Variants in TFDP2 observed in about 807,000 individuals in gnomAD.
TFDP2 encodes transcription factor Dp-2 (E2F dimerization partner 2).
A neutral mutation model predicts 59.3 loss-of-function variants in TFDP2; 17 were observed. The ratio of observed to expected loss-of-function variants is 0.29; its 90% CI spans 0.20 to 0.43. The LOEUF (loss-of-function observed/expected upper bound fraction) is 0.43. TFDP2 is among the 20% of genes least tolerant of loss of function. The pLI is 1.00. For synonymous variants in TFDP2, 180 were observed against 194.7 expected, an observed-to-expected ratio of 0.92 and a Z score of 0.63; for missense variants, 391 against 528.8, an observed-to-expected ratio of 0.74 and a Z score of 2.56.
intron 3 of TFDP2, among the ~76,000 whole-genome samples, chr3:142,029,779 C>A (rs1576776657): frequency 6.6e-6 from 1 of 152,298 alleles, no homozygotes; most frequent in African/African-American, 2.4e-5. Context: ...CAATCAACAA[C>A]ATATATTTGC....
rs1416338697 is a variant in TFDP2 at position 142,101,774 on chromosome 3, T to C, written c.-25A>G. The stretch of plus-strand genomic sequence containing the variant: ...TGTCAAACTGTATTCTATTTAAGAT[T>C]CTGTAAAGCCATTAAAAAAATAAAA... On this transcript the variant is annotated 5_prime_UTR_variant, in exon 2 of 13. Coordinates refer to ENST00000489671, the MANE Select transcript of TFDP2 (RefSeq NM_001178139.2). 2 of 1,288,742 alleles carry C rather than the reference T, an allele frequency of 1.6e-6. No individual in the cohort carries two copies. Among genetic ancestry groups the C allele is most frequent in the Admixed American group, 5.8e-5 (2 of 34,354 alleles). The allele number at this position is 1,288,742 out of a possible 1,614,324, so 79.8% of individuals were successfully genotyped here. A position where few individuals can be genotyped will look rare whatever the true frequency, so the allele number is the denominator to read the frequency against.
At chr3:142,086,617 A>G (rs961030721) in intron 3 of TFDP2, among the ~76,000 whole-genome samples, 4 of 152,128 alleles carry the variant, frequency 2.6e-5, no homozygotes, top group Non-Finnish European at 5.9e-5. Flanking sequence ...CAAGCTCAGA[A>G]GCTTCTGTCC....
intron 3 of TFDP2, among the ~76,000 whole-genome samples, chr3:142,038,027 C>T (rs6778085): frequency 0.86 from 131,327 of 152,124 alleles, 57,052 homozygotes; most frequent in African/African-American, 0.97. Flanking sequence ...AGGGGTTTGA[C>T]ATTTATTACC....
At chr3:142,102,475 C>T (rs763856393) in intron 1 of TFDP2, among the ~76,000 whole-genome samples, 2 of 152,146 alleles carry the variant, frequency 1.3e-5, no homozygotes, top group Middle Eastern at 3.4e-3. Flanking sequence ...CAGTAGAACG[C>T]CAACTAATAA....
intron 1 of TFDP2, among the ~76,000 whole-genome samples, chr3:142,138,321 A>C (rs1329965613): frequency 2.0e-5 from 3 of 151,548 alleles, no homozygotes; most frequent in Admixed American, 2.0e-4. Context: ...AAAAAAACCA[A>C]CTCCTGGATT....
chr3:142,008,504 T>C (rs1944394413), intron 3 of TFDP2, among the ~76,000 whole-genome samples: 1 of 151,780 alleles, frequency 6.6e-6, no homozygotes. Flanking sequence ...GATTAAATAC[T>C]TTACATTTCC....
Position 141,945,671 on chromosome 3 carries a change from C to T in TFDP2, c.*6842G>A, listed in dbSNP as rs1935162982. ...AGAAAAGTAGCCCCATTGTCAGTGA[C>T]GTTTTAGTATGAAAATCCTGGCCCC... On this transcript the variant is annotated 3_prime_UTR_variant, in exon 13 of 13. Coordinates refer to ENST00000489671, the MANE Select transcript of TFDP2 (RefSeq NM_001178139.2). 6.6e-6 allele frequency: 1 copy of T among 152,220 alleles called. No individual in the cohort carries two copies. The highest frequency in any genetic ancestry group is 1.5e-5 in the Non-Finnish European group (1 of 68,058). The allele number at this position is 152,220 out of a possible 1,614,324, so 9.4% of individuals were successfully genotyped here.
intron 3 of TFDP2, chr3:142,043,877 T>G: frequency 8.7e-7 from 1 of 1,155,648 alleles, no homozygotes; most frequent in Admixed American, 1.7e-5. Flanking sequence ...TCAATCTTCT[T>G]AGATTCACAG....
intron 12 of TFDP2, 61 bp from the exon 13 acceptor site, chr3:141,952,757 T>C (rs1157843830): frequency 1.3e-6 from 2 of 1,597,734 alleles, no homozygotes; most frequent in Non-Finnish European, 1.7e-6. Context: ...TTGTAAAACA[T>C]AGGAATAAAA....
At chr3:141,979,475 A>T (rs915897880) in intron 6 of TFDP2, among the ~76,000 whole-genome samples, 1 of 152,210 alleles carries the variant, frequency 6.6e-6, no homozygotes, top group African/African-American at 2.4e-5. Context: ...ATCACAGGAA[A>T]TGACAGCTCC....
intron 3 of TFDP2, among the ~76,000 whole-genome samples, chr3:142,038,234 AT>A (rs776942413): frequency 3.9e-5 from 6 of 151,996 alleles, no homozygotes; most frequent in Non-Finnish European, 8.8e-5. Context: ...AATACAAAAG[AT>A]TAGTCGGGAG....
intron 3 of TFDP2, among the ~76,000 whole-genome samples, chr3:142,061,066 C>A (rs948349834): frequency 6.6e-6 from 1 of 152,164 alleles, no homozygotes; most frequent in African/African-American, 2.4e-5. Flanking sequence ...TATTACAGGA[C>A]ACTAACACTT....
At chr3:142,126,525 G>T (rs1577044334) in intron 1 of TFDP2, among the ~76,000 whole-genome samples, 1 of 151,862 alleles carries the variant, frequency 6.6e-6, no homozygotes, top group Admixed American at 6.6e-5. Context: ...TAGTAGAAAT[G>T]CACACAGAAA....
In TFDP2 at chr3:141,995,129, G is replaced by A; in HGVS notation, c.199C>T (p.Pro67Ser). The A allele has an allele frequency of 1.3e-6, 2 of 1,597,952 alleles. No individual in the cohort carries two copies. The highest frequency in any genetic ancestry group is 8.5e-7 in the Non-Finnish European group (1 of 1,172,286). Residue 67 changes from proline (P) to serine (S), a missense_variant, in exon 5 of 13, where the codon CCA becomes TCA. Physicochemically the swap from Pro to Ser is moderately conservative, Grantham distance 74. Around this residue, in one of 3 missense-constraint regions of TFDP2, gnomAD observed 162 missense variants for 206.8 expected, o/e 0.78. Transcript: ENST00000489671. ...CTTCCTGAACTGGTTAGTCTCTGTG[G>A]TGTGCTTATAATCTGTAAAGTTAGG... is the stretch of plus-strand genomic sequence containing the variant. ...NVGPQMIIST[P>S]QRLTSSGSVL...
intron 6 of TFDP2, among the ~76,000 whole-genome samples, chr3:141,989,935 C>T (rs913472840): frequency 7.3e-5 from 11 of 151,326 alleles, no homozygotes; most frequent in Admixed American, 1.3e-4. Context: ...CCTCGGTCAC[C>T]GGGGCTGGAG....
intron 3 of TFDP2, chr3:142,028,526 A>G (rs1576772709): frequency 1.0e-6 from 1 of 981,096 alleles, no homozygotes; most frequent in Non-Finnish European, 1.2e-6. Context: ...AGAATATAAA[A>G]TAAGAGCTGT....
chr3:142,104,758 T>G (rs1168811629), intron 1 of TFDP2, among the ~76,000 whole-genome samples: 1 of 152,172 alleles, frequency 6.6e-6, no homozygotes, highest in Admixed American at 6.5e-5. Context: ...TTTTTATTCA[T>G]TAAGCCATCA....
At chr3:142,021,300 T>G (rs1339422583) in intron 3 of TFDP2, among the ~76,000 whole-genome samples, 1 of 152,202 alleles carries the variant, frequency 6.6e-6, no homozygotes, top group East Asian at 1.9e-4. Flanking sequence ...CATCCCATTG[T>G]GCAAAGATAA....
At chr3:142,086,847 C>T (rs2060823009) in intron 3 of TFDP2, among the ~76,000 whole-genome samples, 1 of 152,134 alleles carries the variant, frequency 6.6e-6, no homozygotes, top group South Asian at 2.1e-4. Context: ...GTGACTAGCC[C>T]CCATCCAGGA....
Sources: gnomAD v4.1 joint callset for allele counts (sites outside exome capture counted in the v4.1 genomes callset) on GRCh38, gnomAD v4.1.1 for gene constraint, gnomAD v4.1.1 regional missense constraint, MANE v1.5 for transcripts, NCBI Gene and HGNC (gene_info 2026-07-23, HGNC 2026-07-21) for gene names.